The following PLXDC2 variants were observed in gnomAD, a reference collection of about 807,000 sequenced individuals.
PLXDC2 encodes plexin domain-containing protein 2.
In PLXDC2, 40 loss-of-function variants were observed where a neutral mutation model predicts 68.9. That is an observed-to-expected ratio of 0.58 (90% CI 0.45 to 0.76). PLXDC2 has a LOEUF of 0.76. Ranked by LOEUF, PLXDC2 falls within the 30% of genes least tolerant of loss-of-function variation. PLXDC2 has a pLI of 0.00. For missense variants in PLXDC2, 644 were observed against 661.9 expected (o/e 0.97, Z 0.30); for synonymous variants, 243 against 234.2 (o/e 1.04, Z -0.34).
intron 4 of PLXDC2, among the ~76,000 whole-genome samples, chr10:20,137,824 A>T (rs1041936323): frequency 5.9e-5 from 9 of 152,166 alleles, no homozygotes; most frequent in Non-Finnish European, 1.3e-4. Flanking sequence ...TTTTCTGGGT[A>T]CTTCGGTTTC....
chr10:20,187,801 A>C (rs1389576864), intron 9 of PLXDC2, among the ~76,000 whole-genome samples: 1 of 151,954 alleles, frequency 6.6e-6, no homozygotes, highest in Non-Finnish European at 1.5e-5. Flanking sequence ...ACACTTTCAT[A>C]ATTTTCTTAC....
intron 2 of PLXDC2, among the ~76,000 whole-genome samples, chr10:20,022,197 C>T (rs1461361428): frequency 6.6e-6 from 1 of 152,122 alleles, no homozygotes. Context: ...AATAAGGTTC[C>T]TAGATTGTGT....
chr10:19,859,950 A>G (rs2481941), intron 1 of PLXDC2, among the ~76,000 whole-genome samples: 106,527 of 152,004 alleles, frequency 0.7, 38,354 homozygotes, highest in African/African-American at 0.87. Flanking sequence ...CAGGCTGCTC[A>G]AACTCCTGAT....
intron 4 of PLXDC2, among the ~76,000 whole-genome samples, chr10:20,098,651 A>G (rs779246741): frequency 2.2e-4 from 33 of 152,296 alleles, no homozygotes; most frequent in South Asian, 4.1e-4. Flanking sequence ...TTTCCTGCCA[A>G]TAGCATCCTG....
At chr10:20,237,632 G>C (rs944269223) in intron 12 of PLXDC2, among the ~76,000 whole-genome samples, 3 of 152,124 alleles carry the variant, frequency 2.0e-5, no homozygotes, top group African/African-American at 7.2e-5. Flanking sequence ...CTGTTCCATG[G>C]GGGAATTCAT....
chr10:19,843,976 G>A (rs1836952797), intron 1 of PLXDC2, among the ~76,000 whole-genome samples: 1 of 152,174 alleles, frequency 6.6e-6, no homozygotes, highest in Non-Finnish European at 1.5e-5. Context: ...GGTGATGGGT[G>A]CCCCAAATGC....
At chr10:19,927,713 C>CAAAAAAAAGAAAAAAAAA (rs1833561848) in intron 1 of PLXDC2, among the ~76,000 whole-genome samples, 1 of 53,142 alleles carries the variant, frequency 1.9e-5, no homozygotes, top group Non-Finnish European at 3.1e-5. Context: ...GGAAAAAAAG[C>CAAAAAAAAGAAAAAAAAA]AAAAAAAAAA....
chr10:20,000,553 A>C (rs1474135861), intron 1 of PLXDC2, among the ~76,000 whole-genome samples: 1 of 152,164 alleles, frequency 6.6e-6, no homozygotes, highest in Non-Finnish European at 1.5e-5. Flanking sequence ...GACATCAGAC[A>C]ATCAGAGATC....
chr10:19,922,095 G>A (rs1411484717), intron 1 of PLXDC2, among the ~76,000 whole-genome samples: 1 of 152,152 alleles, frequency 6.6e-6, no homozygotes, highest in Non-Finnish European at 1.5e-5. Flanking sequence ...CTGACCTCAA[G>A]TGATCTGCCT....
rs1835589548 is a variant in PLXDC2, at chr10:20,037,020, A to G, written c.325-9849A>G. ...GCATAGGGTCTTCTGAGCTATACCT[A>G]GCAATCACTTTCTGTTTGCCTTTTG... On this transcript the variant is annotated intron_variant, in intron 2 of 13. Coordinates refer to ENST00000377252, the MANE Select transcript of PLXDC2 (RefSeq NM_032812.9). Among the ~76,000 whole-genome samples the G allele has an allele frequency of 2.6e-5, 4 of 152,176 alleles. No individual in the cohort carries two copies. In the South Asian group the frequency reaches 6.2e-4, roughly 24 times the overall value.
intron 6 of PLXDC2, among the ~76,000 whole-genome samples, chr10:20,148,215 G>GATTTCTC: frequency 6.6e-6 from 1 of 151,180 alleles, no homozygotes; most frequent in Non-Finnish European, 1.5e-5. Context: ...AATTTGGAGG[G>GATTTCTC]ATTTCTCATC....
At chr10:20,040,654 G>A (rs1326012497) in intron 2 of PLXDC2, among the ~76,000 whole-genome samples, 1 of 129,304 alleles carries the variant, frequency 7.7e-6, no homozygotes, top group East Asian at 1.9e-4. Context: ...GTTTGTGAGT[G>A]GACTACATGA....
chr10:20,005,266 G>T lies in PLXDC2; in HGVS notation c.324+3280G>T, dbSNP rs112272428. Among the ~76,000 whole-genome samples the T allele has an allele frequency of 6.6e-5, 10 of 152,266 alleles. 3 individuals carry two copies. Among genetic ancestry groups the T allele is most frequent in the African/African-American group, 2.4e-4 (10 of 41,562 alleles). ...ATAGGAGGGTAATTGTGGGGTTTCA[G>T]TCTGGCTCATAAAAGACTTGTTTTG... On this transcript the variant is annotated intron_variant, in intron 2 of 13. Transcript: ENST00000377252.
chr10:20,062,925 A>G (rs994039611), intron 3 of PLXDC2, among the ~76,000 whole-genome samples: 16 of 152,142 alleles, frequency 1.1e-4, no homozygotes, highest in African/African-American at 3.9e-4. Context: ...AACTCTTCCC[A>G]GAGTTAATAC....
At chr10:19,986,199 T>C (rs1026897656) in intron 1 of PLXDC2, among the ~76,000 whole-genome samples, 4 of 152,118 alleles carry the variant, frequency 2.6e-5, no homozygotes, top group Non-Finnish European at 5.9e-5. Flanking sequence ...GTTTTAAATG[T>C]CAGTGATTGA....
chr10:20,016,063 A>G (rs1470205359), intron 2 of PLXDC2, among the ~76,000 whole-genome samples: 1 of 152,196 alleles, frequency 6.6e-6, no homozygotes, highest in East Asian at 1.9e-4. Context: ...CAAGGTTTGG[A>G]AAATTAAACT....
At chr10:19,962,067 T>C (rs1204694439) in intron 1 of PLXDC2, among the ~76,000 whole-genome samples, 1 of 152,172 alleles carries the variant, frequency 6.6e-6, no homozygotes, top group African/African-American at 2.4e-5. Context: ...TATTTGTGTT[T>C]CAAATGTGGA....
intron 2 of PLXDC2, among the ~76,000 whole-genome samples, chr10:20,043,088 T>A (rs976537485): frequency 2.4e-4 from 37 of 152,176 alleles, no homozygotes; most frequent in Non-Finnish European, 5.0e-4. Flanking sequence ...ATAAGACGTG[T>A]TTTGAATACT....
intron 1 of PLXDC2, among the ~76,000 whole-genome samples, chr10:19,878,205 ATT>A (rs372112018): frequency 1.4e-5 from 2 of 147,634 alleles, no homozygotes; most frequent in Non-Finnish European, 3.0e-5. Flanking sequence ...CAGACTCTTG[ATT>A]TTTTTTTTTA....
Sources: gnomAD v4.1 joint callset for allele counts (sites outside exome capture counted in the v4.1 genomes callset) on GRCh38, gnomAD v4.1.1 for gene constraint, MANE v1.5 for transcripts, NCBI Gene and HGNC (gene_info 2026-07-23, HGNC 2026-07-21) for gene names.